ST6GALNAC2: variants seen among roughly 807,000 people sequenced by gnomAD.
ST6GALNAC2 encodes the protein ST6 N-acetylgalactosaminide alpha-2,6-sialyltransferase 2.
A neutral mutation model predicts 38.7 loss-of-function variants in ST6GALNAC2; 42 were observed. The ratio of observed to expected loss-of-function variants is 1.09; its 90% CI spans 0.85 to 1.40. ST6GALNAC2 has a LOEUF of 1.40. Among genes scored for constraint, ST6GALNAC2 ranks in the 40% most tolerant of loss-of-function variants. ST6GALNAC2 has a pLI of 0.00. For missense variants in ST6GALNAC2, 506 were observed against 481.7 expected (o/e 1.05, Z -0.47); for synonymous variants, 233 against 209.0 (o/e 1.11, Z -0.99).
At chr17:76,570,112 C>T (rs1202430195) in intron 6 of ST6GALNAC2, 1 of 178,400 alleles carries the variant, frequency 5.6e-6, no homozygotes. Flanking sequence ...ATGGGCATGA[C>T]CCTGGGAAGG....
intron 6 of ST6GALNAC2, 120 bp from the exon 7 acceptor site, chr17:76,568,916 G>C: frequency 1.1e-6 from 1 of 878,816 alleles, no homozygotes; most frequent in East Asian, 2.6e-5. Context: ...GAGCGGGGCT[G>C]GGAGTAGTAG....
rs979059873 is a variant in ST6GALNAC2, at chr17:76,575,819, T to G, written c.187-1280A>C. 2.0e-5 allele frequency among the ~76,000 whole-genome samples: 3 copies of G among 152,232 alleles called. No homozygotes were observed. In the East Asian group the frequency reaches 5.8e-4, roughly 29 times the overall value. ...GCCTGGGTGGGCCTTCTATTACTCC[T>G]GAATGGGGCTCTTTGTTAAGCCATT... On this transcript the variant is annotated intron_variant, in intron 2 of 8. Transcript: ENST00000225276.
intron 5 of ST6GALNAC2, among the ~76,000 whole-genome samples, chr17:76,572,088 C>T (rs2075358806): frequency 6.6e-6 from 1 of 152,122 alleles, no homozygotes; most frequent in South Asian, 2.1e-4. Flanking sequence ...TGACCCTGGA[C>T]ATGTTCCTGA....
chr17:76,585,802 G>A lies in ST6GALNAC2; in HGVS notation c.7C>T (p.Leu3Phe). 2 of 1,544,484 alleles carry A rather than the reference G, an allele frequency of 1.3e-6. No individual in the cohort carries two copies. Among genetic ancestry groups the A allele is most frequent in the Non-Finnish European group, 1.7e-6 (2 of 1,147,790 alleles). Residue 3 changes from leucine (L) to phenylalanine (F), a missense_variant, in exon 1 of 9, where the codon CTC (leucine) becomes TTC (phenylalanine). Leu to Phe is a conservative substitution (Grantham distance 22). Coordinates refer to ENST00000225276, the MANE Select transcript of ST6GALNAC2 (RefSeq NM_006456.3). The stretch of plus-strand genomic sequence containing the variant: ...AGCCAGAAGAACGACCCGCGCGGGA[G>A]CCCCATACAGCCCCGGCCCGCGAGC... MG[L>F]PRGSFFWLLL...
At chr17:76,569,598 G>A (rs891289712) in intron 6 of ST6GALNAC2, 3 of 398,508 alleles carry the variant, frequency 7.5e-6, no homozygotes, top group Admixed American at 8.8e-5. Flanking sequence ...AACGGGACTG[G>A]GAGGGAGACT....
intron 6 of ST6GALNAC2, chr17:76,569,535 G>T (rs566586402): frequency 2.2e-3 from 860 of 394,746 alleles, no homozygotes; most frequent in African/African-American, 4.6e-3. Flanking sequence ...AGCCCCGAGT[G>T]GGGGAGGGGG....
chr17:76,572,482 C>G (rs568911671), intron 5 of ST6GALNAC2, among the ~76,000 whole-genome samples, 155 bp downstream of exon 5: 2 of 152,208 alleles, frequency 1.3e-5, no homozygotes, highest in Non-Finnish European at 2.9e-5. Context: ...CAGATCCCCC[C>G]TCACCTTCAG....
Position 76,570,613 on chromosome 17 carries a change from G to A in ST6GALNAC2, c.725C>T (p.Ser242Leu), listed in dbSNP as rs370872274. The change falls in exon 6 of 9, where the codon TCG becomes TTG. Residue 242 changes from serine (S) to leucine (L), a missense_variant. Ser to Leu is a moderately radical substitution (Grantham distance 145). Transcript: ENST00000225276. Reference sequence around the variant, plus strand: ...AGGGACAGGCACGCCCAGAATGGCCGATCTCAGCATCACATAGTCGCGGAT... The same window carrying A: ...AGGGACAGGCACGCCCAGAATGGCCAATCTCAGCATCACATAGTCGCGGAT... The part of the protein sequence containing the change: ...SDIRDYVMLR[S>L]AILGVPVPEG... The A allele has an allele frequency of 3.1e-6, 5 of 1,613,122 alleles. No homozygotes were observed. The highest frequency in any genetic ancestry group is 2.7e-5 in the African/African-American group (2 of 74,876).
At chr17:76,584,855 A>G (rs2075524960) in intron 1 of ST6GALNAC2, among the ~76,000 whole-genome samples, 1 of 152,236 alleles carries the variant, frequency 6.6e-6, no homozygotes. Flanking sequence ...CCTCTCCCTG[A>G]GGCTGCCGGG....
chr17:76,582,920 C>G (rs1250903125), intron 1 of ST6GALNAC2, among the ~76,000 whole-genome samples: 1 of 152,164 alleles, frequency 6.6e-6, no homozygotes, highest in African/African-American at 2.4e-5. Context: ...TACAGAGAAA[C>G]AGCAGGAAAG....
At chr17:76,582,338 A>ATTTTTTTT (rs71158026) in intron 1 of ST6GALNAC2, among the ~76,000 whole-genome samples, 3,804 of 115,174 alleles carry the variant, frequency 0.033, 168 homozygotes, top group African/African-American at 0.068. Context: ...ATGCCTGGCT[A>ATTTTTTTT]TTTTTTTTTT....
chr17:76,585,644 C>G, intron 1 of ST6GALNAC2, 40 bp downstream of exon 1: 1 of 1,484,478 alleles, frequency 6.7e-7, no homozygotes, highest in Non-Finnish European at 8.9e-7. Flanking sequence ...GCGCCCTGGT[C>G]GCCCCTGCGC....
chr17:76,572,034 G>A (rs1567928961), intron 5 of ST6GALNAC2, among the ~76,000 whole-genome samples: 1 of 152,092 alleles, frequency 6.6e-6, no homozygotes, highest in Non-Finnish European at 1.5e-5. Flanking sequence ...AACAACCCCA[G>A]CGCTGGGGTC....
Position 76,585,689 on chromosome 17 carries a change from T to G in ST6GALNAC2, c.120A>C (p.Gly40=). The change falls in exon 1 of 9, where the codon GGA becomes GGC. Residue 40 remains glycine, a synonymous_variant. Coordinates refer to ENST00000225276, the MANE Select transcript of ST6GALNAC2 (RefSeq NM_006456.3). The part of the protein sequence containing the change: ...AVQRYPGPAA[G]ARDTTSFEAF... Reference sequence around the variant, plus strand: ...CTGCGCTCGGCAGCCCCTACCTGGCTCCGGCCGCTGGCCCCGGGTACCGCT... The same window carrying G: ...CTGCGCTCGGCAGCCCCTACCTGGCGCCGGCCGCTGGCCCCGGGTACCGCT... 1 of 1,525,700 alleles carries G rather than the reference T, an allele frequency of 6.6e-7. No homozygotes were observed. The highest frequency in any genetic ancestry group is 8.8e-7 in the Non-Finnish European group (1 of 1,140,988). The allele number at this position is 1,525,700 out of a possible 1,614,324, so 94.5% of individuals were successfully genotyped here. A position where few individuals can be genotyped will look rare whatever the true frequency, so the allele number is the denominator to read the frequency against.
At chr17:76,568,950 G>A in intron 6 of ST6GALNAC2, 154 bp from the exon 7 acceptor site, 1 of 669,534 alleles carries the variant, frequency 1.5e-6, no homozygotes, top group Non-Finnish European at 2.6e-6. Context: ...TGTAGAAGGT[G>A]GCAGGCAGTA....
chr17:76,580,676 C>A (rs372441487), intron 1 of ST6GALNAC2, among the ~76,000 whole-genome samples: 39 of 151,418 alleles, frequency 2.6e-4, no homozygotes, highest in African/African-American at 9.3e-4. Context: ...GGGGAGATCG[C>A]ACCACTGCAC....
At chr17:76,569,391 G>T (rs977921635) in intron 6 of ST6GALNAC2, 6 of 394,238 alleles carry the variant, frequency 1.5e-5, no homozygotes, top group Non-Finnish European at 2.7e-5. Flanking sequence ...GAGATTTGGA[G>T]GTGGGTGGGG....
At chr17:76,580,491 C>T (rs139266187) in intron 1 of ST6GALNAC2, among the ~76,000 whole-genome samples, 47 of 151,980 alleles carry the variant, frequency 3.1e-4, no homozygotes, top group African/African-American at 9.4e-4. Context: ...TTCAGGAGAT[C>T]GAGACCATCC....
chr17:76,568,331 G>A, intron 7 of ST6GALNAC2: 1 of 250,830 alleles, frequency 4.0e-6, no homozygotes, highest in Non-Finnish European at 7.8e-6. Flanking sequence ...AGGGGGTTGA[G>A]GCTGGTCCCC....
Sources: allele counts gnomAD v4.1 joint callset (sites outside exome capture counted in the v4.1 genomes callset), GRCh38; gene constraint gnomAD v4.1.1; transcripts MANE v1.5; gene names NCBI Gene and HGNC (gene_info 2026-07-23, HGNC 2026-07-21).